The following DRD3 variants were observed in gnomAD, a reference collection of about 807,000 sequenced individuals.
DRD3 encodes the protein dopamine receptor D3, also known as D(3) dopamine receptor.
DRD3 carries 19 observed loss-of-function variants against 36.3 expected under a neutral mutation model. The ratio of observed to expected loss-of-function variants is 0.52; its 90% CI spans 0.36 to 0.77. The LOEUF is 0.77. Among genes scored for constraint, DRD3 ranks in the 30% least tolerant of loss-of-function variants. The pLI, the probability that DRD3 is intolerant of heterozygous loss-of-function variation, is 0.00. For missense variants in DRD3, 465 were observed against 505.3 expected (o/e 0.92, Z 0.77); for synonymous variants, 195 against 203.7 (o/e 0.96, Z 0.36).
Position 114,171,761 on chromosome 3 carries a change from C to A in DRD3, c.232G>T (p.Val78Leu). 1 of 1,612,264 alleles carries A rather than the reference C, an allele frequency of 6.2e-7. No individual in the cohort carries two copies. The highest frequency in any genetic ancestry group is 1.7e-4 in the Middle Eastern group (1 of 6,058). Residue 78 changes from valine (V) to leucine (L), a missense_variant, in exon 2 of 7, where the codon GTG (valine) becomes TTG (leucine). Physicochemically the swap from Val to Leu is conservative, Grantham distance 32. Transcript: ENST00000383673. The stretch of plus-strand genomic sequence containing the variant: ...ACCCAGGGCATCACCAAGGTGGCCA[C>A]CAGCAAGTCTGCCACAGCCAGGCTC... ...VVSLAVADLL[V>L]ATLVMPWVVY...
intron 1 of DRD3, among the ~76,000 whole-genome samples, chr3:114,184,056 T>C (rs1369375585): frequency 1.3e-5 from 2 of 152,216 alleles, no homozygotes; most frequent in Admixed American, 1.3e-4. Context: ...TGCATGACTC[T>C]TTTTTGTGTG....
intron 1 of DRD3, among the ~76,000 whole-genome samples, chr3:114,195,062 CT>C (rs1214050446): frequency 9.9e-5 from 15 of 152,158 alleles, no homozygotes; most frequent in African/African-American, 2.9e-4. Context: ...AAAGGAACCA[CT>C]TGAGGCTGAG....
At chr3:114,188,856 C>T (rs1478743836) in intron 1 of DRD3, among the ~76,000 whole-genome samples, 9 of 152,164 alleles carry the variant, frequency 5.9e-5, no homozygotes, top group Admixed American at 3.3e-4. Flanking sequence ...GCAAGGAAGA[C>T]TGTAGGAAGT....
At chr3:114,171,618 A>T in intron 2 of DRD3, 105 bp downstream of exon 2, 1 of 1,371,962 alleles carries the variant, frequency 7.3e-7, no homozygotes. Context: ...TTCCTTCCTC[A>T]GTTCCTGACT....
chr3:114,136,231 C>CA (rs1164965800), intron 5 of DRD3, among the ~76,000 whole-genome samples: 1 of 151,586 alleles, frequency 6.6e-6, no homozygotes, highest in Admixed American at 6.6e-5. Flanking sequence ...AAAACAAAAA[C>CA]AAAAAAACCT....
At chr3:114,171,653 A>G in intron 2 of DRD3, 70 bp downstream of exon 2, 1 of 1,445,924 alleles carries the variant, frequency 6.9e-7, no homozygotes. Context: ...TTGAGCCCCA[A>G]AGGCCAGAAC....
intron 1 of DRD3, among the ~76,000 whole-genome samples, chr3:114,192,793 T>C (rs2078017396): frequency 6.6e-6 from 1 of 152,228 alleles, no homozygotes; most frequent in Non-Finnish European, 1.5e-5. Context: ...GCAAACTTTG[T>C]AACTGGGTCT....
Position 114,147,524 on chromosome 3 carries a change from C to A in DRD3, c.417G>T (p.Gln139His). ...GACAGGAGCTCTGTCCCGTGCCATG[C>A]TGGTAGTGAACGGGCATGACCACTG... ...YTAVVMPVHY[Q>H]HGTGQSSCRR... Residue 139 changes from glutamine to histidine, a missense_variant, in exon 4 of 7, where the codon CAG becomes CAT. Transcript: ENST00000383673. 1 of 1,614,072 alleles carries A rather than the reference C, an allele frequency of 6.2e-7. No homozygotes were observed. Among genetic ancestry groups the A allele is most frequent in the Non-Finnish European group, 8.5e-7 (1 of 1,179,992 alleles).
intron 3 of DRD3, among the ~76,000 whole-genome samples, chr3:114,150,573 C>A (rs2077608070): frequency 6.6e-6 from 1 of 152,220 alleles, no homozygotes; most frequent in Admixed American, 6.5e-5. Flanking sequence ...GTCACGAAGG[C>A]CTCCTTTCCT....
intron 1 of DRD3, among the ~76,000 whole-genome samples, chr3:114,198,593 A>G (rs532507416): frequency 2.6e-5 from 4 of 151,744 alleles, no homozygotes; most frequent in Admixed American, 2.6e-4. Context: ...ATAGATTACC[A>G]TGTTATCTGA....
At chr3:114,196,751 T>C (rs1311138478) in intron 1 of DRD3, among the ~76,000 whole-genome samples, 2 of 152,212 alleles carry the variant, frequency 1.3e-5, no homozygotes, top group African/African-American at 2.4e-5. Flanking sequence ...TCTTTTCTTG[T>C]GCTTGTTTAC....
At chr3:114,168,268 A>G (rs187070250) in intron 2 of DRD3, among the ~76,000 whole-genome samples, 23 of 152,280 alleles carry the variant, frequency 1.5e-4, no homozygotes, top group African/African-American at 5.5e-4. Flanking sequence ...TTATGCACTT[A>G]AATCCATGTC....
intron 1 of DRD3, among the ~76,000 whole-genome samples, chr3:114,189,249 G>A (rs2077990891): frequency 6.6e-6 from 1 of 152,084 alleles, no homozygotes; most frequent in Non-Finnish European, 1.5e-5. Context: ...TCTTTAAAGG[G>A]ATTATTTATA....
chr3:114,179,984 G>A (rs1023670768), upstream of DRD3, among the ~76,000 whole-genome samples: 4 of 152,028 alleles, frequency 2.6e-5, no homozygotes, highest in South Asian at 2.1e-4. Flanking sequence ...TTAATTTATG[G>A]ATAGGAAAAT....
In DRD3 at chr3:114,139,564, C is replaced by T. The variant is rs199727675; in HGVS notation, c.659G>A (p.Arg220Gln). Reference sequence around the variant, plus strand: ...GTTCTGTCGAGTGAGGATCCTTTTCCGTCTCCTTTGTTTCAGCACCACATA... The same window carrying T: ...GTTCTGTCGAGTGAGGATCCTTTTCTGTCTCCTTTGTTTCAGCACCACATA... ...RIYVVLKQRR[R>Q]KRILTRQNSQ... Residue 220 changes from arginine (R) to glutamine (Q), a missense_variant, in exon 5 of 7, where the codon CGG (arginine) becomes CAG (glutamine). Arg to Gln is a conservative substitution (Grantham distance 43). Coordinates refer to ENST00000383673, the MANE Select transcript of DRD3 (RefSeq NM_000796.6). The T allele has an allele frequency of 1.4e-5, 23 of 1,613,958 alleles. No individual in the cohort carries two copies. In the East Asian group the frequency reaches 2.2e-4, roughly 16 times the overall value.
At chr3:114,168,385 G>A (rs549868701) in intron 2 of DRD3, among the ~76,000 whole-genome samples, 32 of 152,202 alleles carry the variant, frequency 2.1e-4, no homozygotes, top group South Asian at 4.1e-4. Flanking sequence ...TATTGCCTAC[G>A]TCAGAGCAAT....
chr3:114,175,047 T>C (rs1460015167), intron 1 of DRD3, among the ~76,000 whole-genome samples: 1 of 152,132 alleles, frequency 6.6e-6, no homozygotes, highest in East Asian at 1.9e-4. Flanking sequence ...GCTGAATAAT[T>C]CTTTGTTGAG....
At chr3:114,188,338 A>G (rs571443266) in intron 1 of DRD3, among the ~76,000 whole-genome samples, 4 of 151,460 alleles carry the variant, frequency 2.6e-5, no homozygotes, top group Admixed American at 6.6e-5. Context: ...CAGCCCCTCA[A>G]GTGGCTGGGA....
chr3:114,136,308 A>G (rs2077474255), intron 5 of DRD3, among the ~76,000 whole-genome samples: 1 of 152,156 alleles, frequency 6.6e-6, no homozygotes, highest in Non-Finnish European at 1.5e-5. Flanking sequence ...TCAGTCCTAT[A>G]GTAGGAAAAT....
Sources: allele counts gnomAD v4.1 joint callset (sites outside exome capture counted in the v4.1 genomes callset), GRCh38; gene constraint gnomAD v4.1.1; transcripts MANE v1.5; gene names NCBI Gene and HGNC (gene_info 2026-07-23, HGNC 2026-07-21).